C11orf54: variants seen among roughly 807,000 people sequenced by gnomAD.
The protein encoded by C11orf54 is beta-keto-L-gulonate decarboxylase.
A neutral mutation model predicts 35.5 loss-of-function variants in C11orf54; 29 were observed. The observed-to-expected ratio is 0.82, with a 90% CI of 0.61 to 1.11. C11orf54 has a LOEUF of 1.11. C11orf54 is among the 50% of genes most tolerant of loss of function. C11orf54 has a pLI of 0.00. For synonymous variants in C11orf54, 108 were observed against 121.1 expected (o/e 0.89, Z 0.71); for missense variants, 373 against 369.2 (o/e 1.01, Z -0.08).
chr11:93,758,631 G>C (rs1943293012), intron 7 of C11orf54, among the ~76,000 whole-genome samples: 1 of 152,264 alleles, frequency 6.6e-6, no homozygotes, highest in South Asian at 2.1e-4. Context: ...AGCCCAGCCA[G>C]GTGTGCACAC....
chr11:93,750,903 A>C lies in C11orf54; in HGVS notation c.154+459A>C, dbSNP rs1037293713. On this transcript the variant is annotated intron_variant, in intron 3 of 8. Transcript: ENST00000354421. ...GTGAGAAGGAAGGGAAATTAGTATTAGAAGAATAAAATAATTTGTCAGTAT... is the reference window on the plus strand; with the variant it reads ...GTGAGAAGGAAGGGAAATTAGTATTCGAAGAATAAAATAATTTGTCAGTAT... Among the ~76,000 whole-genome samples, 3 of 152,352 alleles carry C rather than the reference A, an allele frequency of 2.0e-5. No individual in the cohort carries two copies. The South Asian group carries it at 6.2e-4, about 32-fold the overall frequency.
At chr11:93,743,458 A>AG (rs929780712) in intron 1 of C11orf54, among the ~76,000 whole-genome samples, 6 of 151,918 alleles carry the variant, frequency 3.9e-5, no homozygotes, top group Admixed American at 6.6e-5. Flanking sequence ...TCCTCGCGGG[A>AG]GGGGGGGCGC....
At chr11:93,742,190 C>T (rs963530799) in intron 1 of C11orf54, 7 of 152,896 alleles carry the variant, frequency 4.6e-5, no homozygotes, top group African/African-American at 1.7e-4. Flanking sequence ...CCTACATCCC[C>T]CCTGCCCCAC....
chr11:93,758,929 G>C (rs1943310258), intron 7 of C11orf54, among the ~76,000 whole-genome samples: 1 of 152,234 alleles, frequency 6.6e-6, no homozygotes, highest in Non-Finnish European at 1.5e-5. Context: ...GTGGAAACTT[G>C]TGGTGCTTTT....
At chr11:93,754,109 A>C in intron 5 of C11orf54, 72 bp downstream of exon 5, 1 of 1,271,334 alleles carries the variant, frequency 7.9e-7, no homozygotes. Context: ...TTTTAGTGCC[A>C]AAAATCCTAC....
rs1038933317 is a variant in C11orf54, at chr11:93,741,746, G to A, written c.-98+18G>A. 1.3e-5 allele frequency: 4 copies of A among 317,356 alleles called. No homozygotes were observed. The highest frequency in any genetic ancestry group is 8.8e-5 in the African/African-American group (4 of 45,396). The allele number at this position is 317,356 out of a possible 1,614,324, so 19.7% of individuals were successfully genotyped here. ...CCGTTTAGGTGAGTGGAATAGCCAA[G>A]AACATTTCGGCAAATAACAAAAACA... On this transcript the variant is annotated intron_variant, in intron 1 of 8. Transcript: ENST00000354421.
Position 93,761,648 on chromosome 11 carries a change from T to C in C11orf54, c.908T>C (p.Ile303Thr), listed in dbSNP as rs1943482505. Residue 303 changes from isoleucine to threonine, a missense_variant, in exon 9 of 9, where the codon ATT (isoleucine) becomes ACT (threonine). Ile to Thr is a moderately conservative substitution (Grantham distance 89). Coordinates refer to ENST00000354421, the MANE Select transcript of C11orf54 (RefSeq NM_001286069.2). ...TTACCTGCAGAGTTTCTCTATCGCA[T>C]TGATCAACCAAAAGAGACGCATTCA... ...YFLPAEFLYR[I>T]DQPKETHSIG... 1.2e-6 allele frequency: 2 copies of C among 1,611,670 alleles called. No homozygotes were observed. The highest frequency in any genetic ancestry group is 1.1e-5 in the South Asian group (1 of 90,550).
rs1279592900 is a variant in C11orf54, at chr11:93,764,180, T to C, written c.*2492T>C. 6.6e-6 allele frequency: 1 copy of C among 152,138 alleles called. No individual in the cohort carries two copies. The highest frequency in any genetic ancestry group is 1.5e-5 in the Non-Finnish European group (1 of 68,030). 9.4% of individuals were successfully genotyped at this position (152,138 alleles called of 1,614,324 possible). A position where few individuals can be genotyped will look rare whatever the true frequency, so the allele number is the denominator to read the frequency against. ...AGGGGACGAGGGGTGGGATAAGGCT[T>C]AAAAGCCACCAGCAGTCAAACATAA... On this transcript the variant is annotated 3_prime_UTR_variant, in exon 9 of 9. Transcript: ENST00000354421.
chr11:93,746,294 A>G (rs1385500635), intron 1 of C11orf54: 2 of 152,222 alleles, frequency 1.3e-5, no homozygotes, highest in Non-Finnish European at 2.9e-5. Flanking sequence ...AGATTAATGA[A>G]GTGTTCTATT....
chr11:93,743,309 T>G (rs752112774), intron 1 of C11orf54, among the ~76,000 whole-genome samples: 3 of 151,972 alleles, frequency 2.0e-5, no homozygotes, highest in Non-Finnish European at 4.4e-5. Flanking sequence ...CCACATTTGG[T>G]ATTTCTCTGT....
chr11:93,746,052 CA>C (rs1186239798), intron 1 of C11orf54: 3 of 152,094 alleles, frequency 2.0e-5, no homozygotes, highest in Non-Finnish European at 4.4e-5. Flanking sequence ...AAATCAAGAA[CA>C]ATAAAAGCTG....
chr11:93,751,820 C>CTTTTTTTTTT (rs35146074), intron 3 of C11orf54, among the ~76,000 whole-genome samples: 4 of 80,240 alleles, frequency 5.0e-5, no homozygotes, highest in Admixed American at 1.8e-4. Context: ...AATGGTTAAT[C>CTTTTTTTTTT]TTTTTTTTTT....
At chr11:93,747,538 C>T (rs937599175) in intron 2 of C11orf54, 90 bp downstream of exon 2, 14 of 622,722 alleles carry the variant, frequency 2.2e-5, no homozygotes, top group Admixed American at 3.9e-5. Context: ...TATCTTACTA[C>T]TTATGTATAT....
chr11:93,759,829 T>C lies in C11orf54; in HGVS notation c.745T>C (p.Cys249Arg). 1 of 1,608,410 alleles carries C rather than the reference T, an allele frequency of 6.2e-7. No homozygotes were observed. Among genetic ancestry groups the C allele is most frequent in the South Asian group, 1.1e-5 (1 of 90,580 alleles). Residue 249 changes from cysteine (C) to arginine (R), a missense_variant, in exon 8 of 9, where the codon TGT becomes CGT. Physicochemically the swap from Cys to Arg is radical, Grantham distance 180. Transcript: ENST00000354421. ...HFYEMKAPLV[C>R]LPVFVSRDPG... ...TTATGAAATGAAAGCTCCTTTGGTTTGTCTACCAGTTTTTGTCTCCAGAGA... is the reference window on the plus strand; with the variant it reads ...TTATGAAATGAAAGCTCCTTTGGTTCGTCTACCAGTTTTTGTCTCCAGAGA...
intron 7 of C11orf54, among the ~76,000 whole-genome samples, chr11:93,758,460 G>T (rs1175961713): frequency 6.6e-6 from 1 of 152,184 alleles, no homozygotes; most frequent in African/African-American, 2.4e-5. Context: ...TGCCCAAACC[G>T]TGGCTGCGGA....
intron 1 of C11orf54, among the ~76,000 whole-genome samples, chr11:93,743,951 G>T (rs1339754122): frequency 1.3e-5 from 2 of 152,044 alleles, no homozygotes; most frequent in Non-Finnish European, 2.9e-5. Context: ...TCCTTTCTCA[G>T]CTCCAACTGT....
chr11:93,749,143 CAA>C (rs879164036), intron 2 of C11orf54, among the ~76,000 whole-genome samples: 48 of 54,150 alleles, frequency 8.9e-4, no homozygotes, highest in Admixed American at 6.5e-4. Context: ...GACTCCATCT[CAA>C]AAAAAAAAAA....
intron 8 of C11orf54, among the ~76,000 whole-genome samples, chr11:93,761,049 A>T (rs1295113135): frequency 6.6e-6 from 1 of 152,224 alleles, no homozygotes; most frequent in Non-Finnish European, 1.5e-5. Context: ...AAAGGTTATT[A>T]TTACAGTATT....
chr11:93,757,272 T>A (rs375085597), intron 6 of C11orf54, 44 bp from the exon 7 acceptor site: 1 of 1,558,746 alleles, frequency 6.4e-7, no homozygotes, highest in East Asian at 2.2e-5. Flanking sequence ...TCAGTAGTTA[T>A]TTTGCAGCAT....
Sources: gnomAD v4.1 joint callset for allele counts (sites outside exome capture counted in the v4.1 genomes callset) on GRCh38, gnomAD v4.1.1 for gene constraint, MANE v1.5 for transcripts, NCBI Gene and HGNC (gene_info 2026-07-23, HGNC 2026-07-21) for gene names.